Variants in AGBL3 observed in about 807,000 individuals in gnomAD.
AGBL3 encodes the protein AGBL carboxypeptidase 3, also known as cytosolic carboxypeptidase 3.
In AGBL3, 68 loss-of-function variants were observed where a neutral mutation model predicts 94.5. The observed-to-expected ratio is 0.72, with a 90% CI of 0.59 to 0.88. AGBL3 has a LOEUF of 0.88. AGBL3 is among the 40% of genes least tolerant of loss of function. The pLI, the probability that AGBL3 is intolerant of heterozygous loss-of-function variation, is 0.00. For synonymous variants in AGBL3, 354 were observed against 370.7 expected (o/e 0.95, Z 0.52); for missense variants, 934 against 1,103.8 (o/e 0.85, Z 2.18).
intron 1 of AGBL3, among the ~76,000 whole-genome samples, 160 bp downstream of exon 1, chr7:134,986,861 T>C (rs1305620062): frequency 2.0e-5 from 3 of 152,272 alleles, no homozygotes; most frequent in Non-Finnish European, 2.9e-5. Context: ...GCCTTGGTAC[T>C]GTCGGGACGC....
At chr7:135,096,840 C>T (rs192029331) in intron 15 of AGBL3, among the ~76,000 whole-genome samples, 86 of 151,628 alleles carry the variant, frequency 5.7e-4, no homozygotes, top group Non-Finnish European at 9.4e-4. Context: ...TAATGACTGG[C>T]GGAAGAACAT....
chr7:135,132,639 A>G (rs1562910031), intron 16 of AGBL3, among the ~76,000 whole-genome samples: 1 of 152,170 alleles, frequency 6.6e-6, no homozygotes, highest in Non-Finnish European at 1.5e-5. Flanking sequence ...GAATCACGGG[A>G]ACAGTTTCCC....
At position 135,054,889 on chromosome 7, in the gene AGBL3, A is replaced by G. The variant is rs141979371; in HGVS notation, c.1842-4280A>G. 6.6e-3 allele frequency among the ~76,000 whole-genome samples: 1,007 copies of G among 152,330 alleles called. 12 individuals carry two copies. The highest frequency in any genetic ancestry group is 0.023 in the African/African-American group (960 of 41,574). On this transcript the variant is annotated intron_variant, in intron 11 of 16. Coordinates refer to ENST00000436302, the MANE Select transcript of AGBL3 (RefSeq NM_178563.4). ...CAGAATACCTAAAACTGGGTAATTT[A>G]TAAAGAAAACAGGTTTATTTAGCTC...
At chr7:135,026,489 G>C (rs1815159693) in intron 5 of AGBL3, among the ~76,000 whole-genome samples, 1 of 151,142 alleles carries the variant, frequency 6.6e-6, no homozygotes, top group Admixed American at 6.6e-5. Context: ...TGGCCAGGGT[G>C]GTCTCGAACT....
chr7:134,988,126 GA>G (rs1442916378), intron 2 of AGBL3, 130 bp downstream of exon 2: 7 of 734,274 alleles, frequency 9.5e-6, no homozygotes, highest in Non-Finnish European at 1.5e-5. Context: ...TTGAAGTTGG[GA>G]AATAATTTGG....
At chr7:135,058,361 G>A (rs1213450010) in intron 11 of AGBL3, among the ~76,000 whole-genome samples, 1 of 152,058 alleles carries the variant, frequency 6.6e-6, no homozygotes, top group African/African-American at 2.4e-5. Context: ...GCCTACCACT[G>A]CATTAAATGA....
intron 15 of AGBL3, among the ~76,000 whole-genome samples, chr7:135,090,622 C>T (rs898089490): frequency 4.6e-5 from 7 of 152,022 alleles, no homozygotes; most frequent in Non-Finnish European, 5.9e-5. Flanking sequence ...TACTGGGGTA[C>T]GTGACCACTC....
At position 135,088,379 on chromosome 7, in the gene AGBL3, T is replaced by C. The variant is rs1179811296; in HGVS notation, c.2110+6589T>C. On this transcript the variant is annotated intron_variant, in intron 15 of 16. Coordinates refer to ENST00000436302, the MANE Select transcript of AGBL3 (RefSeq NM_178563.4). ...GTTGTTTTGTACATCCATTGATCCTTTCCTTCTCTCTTATTGTTTATCATT... is the reference window on the plus strand; with the variant it reads ...GTTGTTTTGTACATCCATTGATCCTCTCCTTCTCTCTTATTGTTTATCATT... Among the ~76,000 whole-genome samples, 3 of 152,172 alleles carry C rather than the reference T, an allele frequency of 2.0e-5. No individual in the cohort carries two copies. In the East Asian group the frequency reaches 5.8e-4, roughly 29 times the overall value.
chr7:135,128,478 G>A (rs1828266752), intron 16 of AGBL3: 1 of 751,966 alleles, frequency 1.3e-6, no homozygotes, highest in Non-Finnish European at 2.5e-6. Context: ...AGGATGAATT[G>A]CTGGCCCCAG....
intron 4 of AGBL3, chr7:134,995,409 C>T (rs1407367171): frequency 6.6e-6 from 1 of 152,276 alleles, no homozygotes; most frequent in Non-Finnish European, 1.5e-5. Flanking sequence ...CTAGCCCTCA[C>T]TTTCAGCCGT....
intron 16 of AGBL3, among the ~76,000 whole-genome samples, chr7:135,123,526 T>A (rs1827435647): frequency 6.6e-6 from 1 of 152,086 alleles, no homozygotes. Flanking sequence ...ATATGCAAAT[T>A]CAGGAAATAC....
intron 12 of AGBL3, among the ~76,000 whole-genome samples, chr7:135,062,689 A>G (rs1156589607): frequency 1.3e-5 from 2 of 152,300 alleles, no homozygotes; most frequent in African/African-American, 4.8e-5. Context: ...ATGTTGAACC[A>G]TCCCTGTATT....
chr7:135,056,930 A>G (rs1818391267), intron 11 of AGBL3, among the ~76,000 whole-genome samples: 1 of 152,144 alleles, frequency 6.6e-6, no homozygotes, highest in Non-Finnish European at 1.5e-5. Flanking sequence ...ATAGCTAACA[A>G]AATACTGAAG....
intron 3 of AGBL3, among the ~76,000 whole-genome samples, chr7:134,992,382 C>T (rs1810406331): frequency 6.6e-6 from 1 of 152,222 alleles, no homozygotes; most frequent in African/African-American, 2.4e-5. Context: ...AGCATTCTTA[C>T]TCCCACTTTC....
chr7:135,121,153 C>T (rs1307544472), intron 16 of AGBL3, among the ~76,000 whole-genome samples: 1 of 152,072 alleles, frequency 6.6e-6, no homozygotes, highest in Non-Finnish European at 1.5e-5. Flanking sequence ...TGCGGTGAGC[C>T]AAGATGGTGC....
chr7:135,129,197 C>T, intron 16 of AGBL3: 1 of 1,422,730 alleles, frequency 7.0e-7, no homozygotes, highest in Non-Finnish European at 9.9e-7. Flanking sequence ...TGTACTGCCC[C>T]CACGCATGCT....
intron 4 of AGBL3, among the ~76,000 whole-genome samples, chr7:135,008,927 A>G (rs1812751145): frequency 6.6e-6 from 1 of 152,214 alleles, no homozygotes; most frequent in South Asian, 2.1e-4. Context: ...TAATACCACA[A>G]TAAGATACCT....
chr7:135,060,924 T>C (rs1016158720), intron 12 of AGBL3, among the ~76,000 whole-genome samples: 4 of 152,294 alleles, frequency 2.6e-5, no homozygotes, highest in East Asian at 1.9e-4. Flanking sequence ...AGTAGTGGGA[T>C]TGCTAGTTTA....
At chr7:135,048,880 A>G (rs143466944) in intron 11 of AGBL3, among the ~76,000 whole-genome samples, 258 of 151,742 alleles carry the variant, frequency 1.7e-3, no homozygotes, top group Middle Eastern at 3.4e-3. Context: ...TCTCTTGCCT[A>G]ATTGCTCTGG....
Sources: gnomAD v4.1 joint callset for allele counts (sites outside exome capture counted in the v4.1 genomes callset) on GRCh38, gnomAD v4.1.1 for gene constraint, MANE v1.5 for transcripts, NCBI Gene and HGNC (gene_info 2026-07-23, HGNC 2026-07-21) for gene names.